The following MC2R variants were observed in gnomAD, a reference collection of about 807,000 sequenced individuals.
The protein encoded by MC2R is melanocortin 2 receptor, also known as adrenocorticotropic hormone receptor.
A neutral mutation model predicts 9.8 loss-of-function variants in MC2R; 9 were observed. That is an observed-to-expected ratio of 0.92 (90% CI 0.55 to 1.60). The LOEUF (loss-of-function observed/expected upper bound fraction) is 1.60. Among genes scored for constraint, MC2R ranks in the 40% most tolerant of loss-of-function variants. MC2R has a pLI of 0.00. For synonymous variants in MC2R, 185 were observed against 154.7 expected (o/e 1.20, Z -1.45); for missense variants, 370 against 389.0 (o/e 0.95, Z 0.41).
At chr18:13,886,454 A>C (rs777663533) in intron 1 of MC2R, among the ~76,000 whole-genome samples, 19 of 152,228 alleles carry the variant, frequency 1.2e-4, no homozygotes, top group Admixed American at 3.3e-4. Context: ...GGAAAGGTCC[A>C]TGTGGGAGCA....
rs1430943233 is a variant in MC2R, at chr18:13,883,898, T to C, written c.*727A>G. On this transcript the variant is annotated 3_prime_UTR_variant, in exon 2 of 2. Transcript: ENST00000327606. ...GGAAAGGGTTTTAAGGCCAGTGGGATACTGAGTGAGCAAAGAAGACTAACA... is the reference window on the plus strand; with the variant it reads ...GGAAAGGGTTTTAAGGCCAGTGGGACACTGAGTGAGCAAAGAAGACTAACA... The C allele has an allele frequency of 6.5e-6, 1 of 153,572 alleles. No individual in the cohort carries two copies. Among genetic ancestry groups the C allele is most frequent in the African/African-American group, 2.4e-5 (1 of 41,446 alleles). The allele number at this position is 153,572 out of a possible 1,614,324, so 9.5% of individuals were successfully genotyped here. A position where few individuals can be genotyped will look rare whatever the true frequency, so the allele number is the denominator to read the frequency against.
chr18:13,911,979 G>A (rs185093136), intron 1 of MC2R, among the ~76,000 whole-genome samples: 8 of 152,252 alleles, frequency 5.3e-5, no homozygotes, highest in East Asian at 3.9e-4. Context: ...GCAAATTGGG[G>A]TCAGAACTGC....
intron 1 of MC2R, among the ~76,000 whole-genome samples, chr18:13,912,532 C>G (rs1161366941): frequency 1.3e-5 from 2 of 152,168 alleles, no homozygotes; most frequent in Admixed American, 1.3e-4. Context: ...GCTCAGGACT[C>G]TGAGGCTGTT....
At chr18:13,900,115 A>C (rs1043172620) in intron 1 of MC2R, among the ~76,000 whole-genome samples, 5 of 152,170 alleles carry the variant, frequency 3.3e-5, no homozygotes, top group Admixed American at 2.6e-4. Context: ...GTGGGGGATG[A>C]AGTTAAGGTG....
At chr18:13,892,587 G>A (rs533197649) in intron 1 of MC2R, among the ~76,000 whole-genome samples, 23 of 152,186 alleles carry the variant, frequency 1.5e-4, no homozygotes, top group Admixed American at 1.0e-3. Context: ...CTTGAACAGC[G>A]TAGAACAATT....
intron 1 of MC2R, among the ~76,000 whole-genome samples, chr18:13,909,179 A>G (rs551144238): frequency 6.6e-6 from 1 of 152,276 alleles, no homozygotes; most frequent in South Asian, 2.1e-4. Flanking sequence ...TTTAAGGAGT[A>G]CTGCTCAAAC....
chr18:13,914,929 A>T (rs2045467657), intron 1 of MC2R, among the ~76,000 whole-genome samples: 2 of 152,168 alleles, frequency 1.3e-5, no homozygotes, highest in African/African-American at 4.8e-5. Context: ...GCTGCCTAGG[A>T]AGGTGGAGGC....
chr18:13,909,099 A>G (rs1453732120), intron 1 of MC2R, among the ~76,000 whole-genome samples: 2 of 151,810 alleles, frequency 1.3e-5, no homozygotes, highest in African/African-American at 4.9e-5. Flanking sequence ...TTTAGCCATC[A>G]TGTCTCCTTA....
At chr18:13,891,460 C>A (rs957758383) in intron 1 of MC2R, among the ~76,000 whole-genome samples, 3 of 152,206 alleles carry the variant, frequency 2.0e-5, no homozygotes, top group African/African-American at 7.2e-5. Flanking sequence ...TTGTTGAGGG[C>A]AAATGTGTAT....
chr18:13,889,260 A>G (rs2045298712), intron 1 of MC2R, among the ~76,000 whole-genome samples: 2 of 152,218 alleles, frequency 1.3e-5, no homozygotes, highest in African/African-American at 4.8e-5. Context: ...ACCAAGCTCC[A>G]TCACCTTGAG....
chr18:13,907,042 G>T (rs1031057264), intron 1 of MC2R, among the ~76,000 whole-genome samples: 1 of 152,170 alleles, frequency 6.6e-6, no homozygotes, highest in African/African-American at 2.4e-5. Flanking sequence ...ATGTGGAATT[G>T]CAAAAGACCC....
At chr18:13,887,783 T>C (rs1227641340) in intron 1 of MC2R, among the ~76,000 whole-genome samples, 1 of 152,138 alleles carries the variant, frequency 6.6e-6, no homozygotes, top group Non-Finnish European at 1.5e-5. Context: ...TGTGAGCTCC[T>C]CTTAGGTCTC....
At chr18:13,912,360 G>T (rs1179911686) in intron 1 of MC2R, among the ~76,000 whole-genome samples, 1 of 152,142 alleles carries the variant, frequency 6.6e-6, no homozygotes, top group Non-Finnish European at 1.5e-5. Flanking sequence ...TCACCCAGCT[G>T]CGAATCTGCC....
At chr18:13,886,391 G>A (rs34322461) in intron 1 of MC2R, among the ~76,000 whole-genome samples, 3,402 of 152,302 alleles carry the variant, frequency 0.022, 108 homozygotes, top group African/African-American at 0.079. Context: ...CGTGAGTGTG[G>A]GATGAACAGA....
Position 13,885,326 on chromosome 18 carries a change from T to A in MC2R, c.193A>T (p.Ser65Cys), listed in dbSNP as rs1473116395. 6.2e-7 allele frequency: 1 copy of A among 1,614,180 alleles called. No homozygotes were observed. Among genetic ancestry groups the A allele is most frequent in the African/African-American group, 1.3e-5 (1 of 75,044 alleles). Residue 65 changes from serine to cysteine, a missense_variant, in exon 2 of 2, where the codon AGC (serine) becomes TGC (cysteine). Physicochemically the swap from Ser to Cys is moderately radical, Grantham distance 112 (BLOSUM62 -1). Coordinates refer to ENST00000327606, the MANE Select transcript of MC2R (RefSeq NM_000529.2). ...CCCAGCATATCAGATATGGCCAAGCTACAGATGAAAAAGTACATGGGTGCC... is the reference window on the plus strand; with the variant it reads ...CCCAGCATATCAGATATGGCCAAGCAACAGATGAAAAAGTACATGGGTGCC... The part of the protein sequence containing the change: ...LQAPMYFFIC[S>C]LAISDMLGSL...
At chr18:13,913,184 G>C (rs1313060633) in intron 1 of MC2R, among the ~76,000 whole-genome samples, 1 of 151,902 alleles carries the variant, frequency 6.6e-6, no homozygotes, top group East Asian at 1.9e-4. Context: ...AGCCCAGGCT[G>C]GAGTGTTCTG....
chr18:13,890,239 A>G (rs1196391150), intron 1 of MC2R, among the ~76,000 whole-genome samples: 1 of 152,208 alleles, frequency 6.6e-6, no homozygotes, highest in Admixed American at 6.5e-5. Context: ...TTTGAGCAGC[A>G]GGGCTGCAGG....
At chr18:13,885,676 G>A (rs1252218288) in intron 1 of MC2R, 30 bp from the exon 2 acceptor site, 12 of 770,684 alleles carry the variant, frequency 1.6e-5, no homozygotes, top group East Asian at 2.7e-5. Context: ...AATATTAGTT[G>A]CAAAGTACAC....
chr18:13,914,087 A>G (rs928620975), intron 1 of MC2R, among the ~76,000 whole-genome samples: 10 of 150,926 alleles, frequency 6.6e-5, no homozygotes, highest in African/African-American at 2.0e-4. Context: ...AGATGTCTTA[A>G]GTTGCTCTGA....
Sources: gnomAD v4.1 joint callset for allele counts (sites outside exome capture counted in the v4.1 genomes callset) on GRCh38, gnomAD v4.1.1 for gene constraint, MANE v1.5 for transcripts, NCBI Gene and HGNC (gene_info 2026-07-23, HGNC 2026-07-21) for gene names.